PITPNC1: variants seen among roughly 807,000 people sequenced by gnomAD.
PITPNC1 encodes the protein cytoplasmic phosphatidylinositol transfer protein 1.
A neutral mutation model predicts 44.7 loss-of-function variants in PITPNC1; 18 were observed. The ratio of observed to expected loss-of-function variants is 0.40; its 90% CI spans 0.28 to 0.60. The LOEUF (loss-of-function observed/expected upper bound fraction) is 0.60, where lower values mean the gene tolerates loss of function less well. PITPNC1 is among the 20% of genes least tolerant of loss of function. PITPNC1 has a pLI of 0.39. For missense variants in PITPNC1, 290 were observed against 418.4 expected, an observed-to-expected ratio of 0.69 and a Z score of 2.68; for synonymous variants, 141 against 149.6, an observed-to-expected ratio of 0.94 and a Z score of 0.42.
chr17:67,687,108 A>T (rs1307449506), intron 8 of PITPNC1: 1 of 1,612,656 alleles, frequency 6.2e-7, no homozygotes, highest in South Asian at 1.1e-5. Flanking sequence ...AAAAACATGC[A>T]TGAACAAACC....
chr17:67,563,221 C>T lies in PITPNC1; in HGVS notation c.294+9604C>T, dbSNP rs113800382. On this transcript the variant is annotated intron_variant, in intron 4 of 8. Coordinates refer to ENST00000581322, the MANE Select transcript of PITPNC1 (RefSeq NM_012417.4). ...TAATATGACAATATAGAATACAGTA[C>T]CAGAGAATCGATGTCATCTACAGGG... is the stretch of plus-strand genomic sequence containing the variant. Among the ~76,000 whole-genome samples, 121 of 152,164 alleles carry T rather than the reference C, an allele frequency of 8.0e-4. 1 individual carries two copies. The highest frequency in any genetic ancestry group is 2.8e-3 in the African/African-American group (117 of 41,516).
chr17:67,472,074 C>G (rs987549875), intron 1 of PITPNC1, among the ~76,000 whole-genome samples: 1 of 151,738 alleles, frequency 6.6e-6, no homozygotes, highest in Non-Finnish European at 1.5e-5. Flanking sequence ...AAAGAATACC[C>G]CAGAGGTGAA....
chr17:67,490,361 TG>T (rs1347230262), intron 1 of PITPNC1, among the ~76,000 whole-genome samples: 5 of 151,954 alleles, frequency 3.3e-5, no homozygotes, highest in Non-Finnish European at 5.9e-5. Flanking sequence ...TTTTTTGTTT[TG>T]TTTTTTTTTA....
intron 1 of PITPNC1, among the ~76,000 whole-genome samples, chr17:67,503,829 T>C (rs2916151): frequency 0.73 from 111,209 of 152,026 alleles, 40,814 homozygotes; most frequent in Middle Eastern, 0.84. Context: ...GTGTGTTGAC[T>C]GAATTCAGGC....
chr17:67,636,281 CAA>C (rs4020398), intron 6 of PITPNC1, among the ~76,000 whole-genome samples: 7,706 of 77,358 alleles, frequency 0.1, 436 homozygotes, highest in East Asian at 0.25. Flanking sequence ...GACTCCGTTT[CAA>C]AAAAAAAAAA....
At chr17:67,383,363 T>C (rs914994135) in intron 1 of PITPNC1, among the ~76,000 whole-genome samples, 4 of 152,212 alleles carry the variant, frequency 2.6e-5, no homozygotes, top group African/African-American at 9.6e-5. Context: ...TTCTACTATA[T>C]GGAATTCTCC....
intron 5 of PITPNC1, among the ~76,000 whole-genome samples, chr17:67,601,869 G>C (rs201122624): frequency 1.4e-4 from 22 of 152,248 alleles, no homozygotes; most frequent in Admixed American, 6.5e-4. Context: ...AGGCAAGGAG[G>C]GGGAGAAGGG....
chr17:67,471,845 T>C (rs1479632503), intron 1 of PITPNC1, among the ~76,000 whole-genome samples: 2 of 152,226 alleles, frequency 1.3e-5, no homozygotes, highest in Non-Finnish European at 1.5e-5. Context: ...TTTCCACTAA[T>C]GTCCTTTTTC....
chr17:67,598,559 A>T lies in PITPNC1; in HGVS notation c.366+20302A>T, dbSNP rs2041490187. On this transcript the variant is annotated intron_variant, in intron 5 of 8. Coordinates refer to ENST00000581322, the MANE Select transcript of PITPNC1 (RefSeq NM_012417.4). The stretch of plus-strand genomic sequence containing the variant: ...CTTAGGTTTTAAGGGCCCCAGATAG[A>T]CCCCTTGTCCCTTCTACCATGTGAG... Among the ~76,000 whole-genome samples, 2 of 151,492 alleles carry T rather than the reference A, an allele frequency of 1.3e-5. 1 individual carries two copies. Among genetic ancestry groups the T allele is most frequent in the African/African-American group, 4.9e-5 (2 of 41,170 alleles).
chr17:67,457,004 T>G (rs1202201369), intron 1 of PITPNC1: 1 of 150,744 alleles, frequency 6.6e-6, no homozygotes, highest in African/African-American at 2.4e-5. Context: ...TTCTCAACCC[T>G]CTTTTTTCTT....
chr17:67,608,862 T>C (rs1416259377), intron 5 of PITPNC1, among the ~76,000 whole-genome samples: 1 of 152,002 alleles, frequency 6.6e-6, no homozygotes, highest in African/African-American at 2.4e-5. Flanking sequence ...GCTGGTTTTG[T>C]GCATGTCCTT....
At chr17:67,562,642 T>G (rs1425421064) in intron 4 of PITPNC1, among the ~76,000 whole-genome samples, 1 of 152,066 alleles carries the variant, frequency 6.6e-6, no homozygotes, top group Admixed American at 6.5e-5. Flanking sequence ...CCACCTTATT[T>G]GTATCTAAAG....
chr17:67,556,294 T>C (rs2040837728), intron 4 of PITPNC1, among the ~76,000 whole-genome samples: 1 of 152,196 alleles, frequency 6.6e-6, no homozygotes, highest in Non-Finnish European at 1.5e-5. Context: ...AGGAGGTTAC[T>C]CAGTATCATG....
At chr17:67,421,851 G>A (rs1004238783) in intron 1 of PITPNC1, among the ~76,000 whole-genome samples, 7 of 152,114 alleles carry the variant, frequency 4.6e-5, no homozygotes, top group Admixed American at 6.6e-5. Flanking sequence ...ATACAGCGGC[G>A]AATAAGCCAC....
rs185313623 is a variant in PITPNC1 at position 67,601,168 on chromosome 17, A to G, written c.366+22911A>G. 3.2e-4 allele frequency among the ~76,000 whole-genome samples: 48 copies of G among 152,190 alleles called. No homozygotes were observed. The East Asian group carries it at 8.5e-3, about 27-fold the overall frequency. ...CTAAAGGGATTAAAAATAAATCTAT[A>G]CCTGGACACATTGTCATGAAACTGC... is the stretch of plus-strand genomic sequence containing the variant. On this transcript the variant is annotated intron_variant, in intron 5 of 8. Coordinates refer to ENST00000581322, the MANE Select transcript of PITPNC1 (RefSeq NM_012417.4).
At chr17:67,557,853 C>G (rs897417465) in intron 4 of PITPNC1, among the ~76,000 whole-genome samples, 2 of 152,180 alleles carry the variant, frequency 1.3e-5, no homozygotes, top group African/African-American at 4.8e-5. Flanking sequence ...TCCTAAATAC[C>G]TCTTCTTGCT....
Position 67,676,208 on chromosome 17 carries a change from G to GA in PITPNC1, c.682+680dup, listed in dbSNP as rs74446011. Among the ~76,000 whole-genome samples, 596 of 126,792 alleles carry GA rather than the reference G, an allele frequency of 4.7e-3. 5 individuals carry two copies. Among genetic ancestry groups the GA allele is most frequent in the East Asian group, 0.042 (184 of 4,346 alleles). 83.2% of individuals were successfully genotyped at this position (126,792 alleles called of 152,430 possible). A position where few individuals can be genotyped will look rare whatever the true frequency, so the allele number is the denominator to read the frequency against. On this transcript the variant is annotated intron_variant, in intron 8 of 8. Coordinates refer to ENST00000581322, the MANE Select transcript of PITPNC1 (RefSeq NM_012417.4). The surrounding 1 kb of genome is among the most constrained non-coding windows in gnomAD (Gnocchi z 4.0). ...GGGGACAGAGCGAGACTCCGTCTCG[G>GA]AAAAAAAAAAAAAAGAAAGAAAGAA... is the stretch of plus-strand genomic sequence containing the variant.
Position 67,692,706 on chromosome 17 carries a change from T to G in PITPNC1, c.817T>G (p.Ser273Ala). Residue 273 changes from serine (S) to alanine (A), a missense_variant, in exon 9 of 9, where the codon TCT becomes GCT. Physicochemically the swap from Ser to Ala is moderately conservative, Grantham distance 99. Coordinates refer to ENST00000581322, the MANE Select transcript of PITPNC1 (RefSeq NM_012417.4). ...LLPSSVRSAP[S>A]SAPSTPLSTD... is the part of the protein sequence containing the mutation. ...GCCTTCTTCCGTCCGCAGTGCGCCT[T>G]CTAGTGCTCCATCCACCCCTCTCTC... The G allele has an allele frequency of 6.2e-7, 1 of 1,613,842 alleles. No homozygotes were observed. The highest frequency in any genetic ancestry group is 1.1e-5 in the South Asian group (1 of 91,064).
At chr17:67,605,007 A>G (rs574125677) in intron 5 of PITPNC1, among the ~76,000 whole-genome samples, 17 of 152,234 alleles carry the variant, frequency 1.1e-4, no homozygotes, top group Non-Finnish European at 2.4e-4. Flanking sequence ...TGAAACCGGG[A>G]AGCAGAGGTT....
Sources: allele counts gnomAD v4.1 joint callset (sites outside exome capture counted in the v4.1 genomes callset), GRCh38; gene constraint gnomAD v4.1.1; non-coding constraint Gnocchi (gnomAD v3.1); transcripts MANE v1.5; gene names NCBI Gene and HGNC (gene_info 2026-07-23, HGNC 2026-07-21).